The following RPS6KC1 variants were observed in gnomAD, a reference collection of about 807,000 sequenced individuals.
RPS6KC1 encodes inactive ribosomal protein S6 kinase delta-1.
RPS6KC1 carries 54 observed loss-of-function variants against 103.8 expected under a neutral mutation model. The ratio of observed to expected loss-of-function variants is 0.52; its 90% CI spans 0.42 to 0.65. The LOEUF (loss-of-function observed/expected upper bound fraction) is 0.65. Ranked by LOEUF, RPS6KC1 falls within the 30% of genes least tolerant of loss-of-function variation. The probability of loss-of-function intolerance (pLI) is 0.00; values close to 1 mark genes in which losing one functional copy is unlikely to be tolerated. For missense variants in RPS6KC1, 1,151 were observed against 1,253.8 expected (o/e 0.92, Z 1.24); for synonymous variants, 439 against 438.7 (o/e 1.00, Z -0.01).
At chr1:213,665,510 T>C in the RPS6KC1 span, among the ~76,000 whole-genome samples, 1 of 151,664 alleles carries the variant, frequency 6.6e-6, no homozygotes, top group African/African-American at 2.4e-5. Context: ...TTTCTCTCTA[T>C]TGGCAAAGAT....
the RPS6KC1 span, among the ~76,000 whole-genome samples, chr1:213,707,925 T>C: frequency 1.3e-5 from 2 of 152,226 alleles, no homozygotes; most frequent in African/African-American, 2.4e-5. Context: ...GCCAGTACCA[T>C]GCTGTTTTGG....
At chr1:213,236,805 G>A (rs563428439) in intron 10 of RPS6KC1, among the ~76,000 whole-genome samples, 11 of 152,006 alleles carry the variant, frequency 7.2e-5, no homozygotes, top group Admixed American at 2.6e-4. Flanking sequence ...AAAACAGAAA[G>A]GAGGTAGAAA....
At chr1:213,398,452 A>C in the RPS6KC1 span, among the ~76,000 whole-genome samples, 1 of 151,892 alleles carries the variant, frequency 6.6e-6, no homozygotes, top group East Asian at 1.9e-4. Flanking sequence ...GGCACCACCT[A>C]TCTATCTCAT....
chr1:213,145,522 A>G (rs1207221208), intron 6 of RPS6KC1, among the ~76,000 whole-genome samples: 2 of 152,074 alleles, frequency 1.3e-5, no homozygotes, highest in Non-Finnish European at 2.9e-5. Context: ...ACTCGAGACC[A>G]AAAAAGATAT....
intron 14 of RPS6KC1, among the ~76,000 whole-genome samples, chr1:213,269,566 A>G (rs1271248368): frequency 1.3e-5 from 2 of 152,202 alleles, no homozygotes; most frequent in Non-Finnish European, 2.9e-5. Flanking sequence ...GAATTCATAC[A>G]CTGTATTCTG....
chr1:213,452,678 C>T, the RPS6KC1 span, among the ~76,000 whole-genome samples: 1 of 152,196 alleles, frequency 6.6e-6, no homozygotes, highest in African/African-American at 2.4e-5. Context: ...ACTGCCCCGC[C>T]TCCGCAGCAC....
intron 8 of RPS6KC1, among the ~76,000 whole-genome samples, chr1:213,182,576 CAGAG>C (rs914973413): frequency 9.9e-5 from 15 of 151,604 alleles, no homozygotes; most frequent in Non-Finnish European, 2.2e-4. Context: ...AAAATGGAAA[CAGAG>C]AGAACAAACA....
the RPS6KC1 span, among the ~76,000 whole-genome samples, chr1:213,760,605 C>T: frequency 4.6e-5 from 7 of 151,126 alleles, no homozygotes; most frequent in East Asian, 3.9e-4. Flanking sequence ...AAGATAAATT[C>T]GTTTTGTTTC....
intron 3 of RPS6KC1, among the ~76,000 whole-genome samples, chr1:213,094,712 T>C (rs2081297087): frequency 1.3e-5 from 2 of 152,250 alleles, no homozygotes; most frequent in Non-Finnish European, 2.9e-5. Flanking sequence ...ACAATTAGGC[T>C]GTGGTGTTCT....
the RPS6KC1 span, among the ~76,000 whole-genome samples, chr1:213,291,528 C>T: frequency 6.6e-6 from 1 of 152,162 alleles, no homozygotes; most frequent in South Asian, 2.1e-4. Context: ...GAGAAGTTGA[C>T]TAATTAATTG....
chr1:213,529,404 G>T, the RPS6KC1 span, among the ~76,000 whole-genome samples: 1 of 152,112 alleles, frequency 6.6e-6, no homozygotes, highest in Non-Finnish European at 1.5e-5. Flanking sequence ...CTGAGATGGA[G>T]GAGCCAGACC....
chr1:213,403,091 G>A, the RPS6KC1 span, among the ~76,000 whole-genome samples: 1 of 151,992 alleles, frequency 6.6e-6, no homozygotes, highest in East Asian at 1.9e-4. Flanking sequence ...TTGCACCACT[G>A]CACTCCAGCC....
the RPS6KC1 span, among the ~76,000 whole-genome samples, chr1:213,645,225 C>T: frequency 5.9e-5 from 9 of 151,930 alleles, no homozygotes; most frequent in African/African-American, 1.9e-4. Flanking sequence ...GCTGAGTGTG[C>T]CAAAAAGAAC....
the RPS6KC1 span, among the ~76,000 whole-genome samples, chr1:213,663,872 A>G: frequency 6.6e-6 from 1 of 152,158 alleles, no homozygotes; most frequent in Non-Finnish European, 1.5e-5. Flanking sequence ...CCATCAGCCC[A>G]CAGCTGCAGT....
intron 3 of RPS6KC1, among the ~76,000 whole-genome samples, chr1:213,093,965 A>G (rs936555122): frequency 1.6e-4 from 24 of 152,172 alleles, no homozygotes; most frequent in African/African-American, 5.5e-4. Context: ...GAAGTTTGCC[A>G]TGCTTCTTTT....
At chr1:213,722,801 G>A in the RPS6KC1 span, among the ~76,000 whole-genome samples, 2 of 152,188 alleles carry the variant, frequency 1.3e-5, no homozygotes, top group East Asian at 1.9e-4. Flanking sequence ...GCCATTTCGA[G>A]TAAAGAAAGA....
At chr1:213,721,881 C>T in the RPS6KC1 span, among the ~76,000 whole-genome samples, 13 of 152,184 alleles carry the variant, frequency 8.5e-5, no homozygotes, top group African/African-American at 3.1e-4. Context: ...CCCCTTCATA[C>T]ACAACTGGTG....
the RPS6KC1 span, among the ~76,000 whole-genome samples, chr1:213,718,167 A>G: frequency 3.2e-4 from 49 of 152,250 alleles, no homozygotes; most frequent in South Asian, 6.4e-3. Flanking sequence ...CTATTTCTCT[A>G]TTTAACACAC....
chr1:213,628,214 T>A, the RPS6KC1 span, among the ~76,000 whole-genome samples: 1 of 152,200 alleles, frequency 6.6e-6, no homozygotes, highest in South Asian at 2.1e-4. Context: ...TGCGTAGAGG[T>A]GTTTATAGTA....
Sources: allele counts gnomAD v4.1 joint callset (sites outside exome capture counted in the v4.1 genomes callset), GRCh38; gene constraint gnomAD v4.1.1; transcripts MANE v1.5; gene names NCBI Gene and HGNC (gene_info 2026-07-23, HGNC 2026-07-21).